Variants in RAPGEFL1 observed in about 807,000 individuals in gnomAD.
RAPGEFL1 encodes rap guanine nucleotide exchange factor-like 1.
Under a neutral mutation model 64.4 loss-of-function variants are expected in RAPGEFL1, and 31 were observed. The ratio of observed to expected loss-of-function variants is 0.48; its 90% CI spans 0.36 to 0.65. RAPGEFL1 has a LOEUF of 0.65. Ranked by LOEUF, RAPGEFL1 falls within the 30% of genes least tolerant of loss-of-function variation. The pLI is 0.00. For missense variants in RAPGEFL1, 682 were observed against 677.4 expected (o/e 1.01, Z -0.08); for synonymous variants, 331 against 274.1 (o/e 1.21, Z -2.05).
chr17:40,177,474 C>A lies in RAPGEFL1; in HGVS notation c.-388C>A, dbSNP rs1989742979. 7.9e-6 allele frequency: 5 copies of A among 633,984 alleles called. No homozygotes were observed. The highest frequency in any genetic ancestry group is 3.5e-5 in the South Asian group (2 of 57,386). The allele number at this position is 633,984 out of a possible 1,614,324, so 39.3% of individuals were successfully genotyped here. On this transcript the variant is annotated 5_prime_UTR_variant, in exon 1 of 15. Transcript: ENST00000620260. ...GGCGCGGTCTCGGTTCTGCCACCTT[C>A]CCCCTCTTCACGGCCAGGAGCGCAG...
chr17:40,188,668 G>A (rs1598443442), intron 4 of RAPGEFL1, 198 bp from the exon 5 acceptor site: 4 of 586,486 alleles, frequency 6.8e-6, no homozygotes, highest in Non-Finnish European at 1.2e-5. Flanking sequence ...TCATGGAAGA[G>A]GTGGCATTTG....
At chr17:40,177,133 G>A (rs975367933), upstream of RAPGEFL1, 4 of 702,466 alleles carry the variant, frequency 5.7e-6, no homozygotes, top group Non-Finnish European at 7.8e-6. Context: ...GTGAGTATGA[G>A]AAAGGTGCAC....
rs1049385125 is a variant in RAPGEFL1, at chr17:40,195,111, G to A, written c.*1323G>A. ...AAAGCAGCTGCTGCTCCTGCTATGA[G>A]GGTGTATATATTTTTTACCCAAAGC... On this transcript the variant is annotated 3_prime_UTR_variant, in exon 15 of 15. Transcript: ENST00000620260. The A allele has an allele frequency of 6.6e-6, 1 of 152,452 alleles. No individual in the cohort carries two copies. The highest frequency in any genetic ancestry group is 1.5e-5 in the Non-Finnish European group (1 of 68,048). 9.4% of individuals were successfully genotyped at this position (152,452 alleles called of 1,614,324 possible).
intron 1 of RAPGEFL1, among the ~76,000 whole-genome samples, chr17:40,179,072 T>G (rs1434452404): frequency 1.3e-5 from 2 of 151,470 alleles, no homozygotes; most frequent in Non-Finnish European, 3.0e-5. Flanking sequence ...CCGGCTTTTT[T>G]TTTTTTTTCT....
At chr17:40,188,156 C>T (rs1310105909) in intron 4 of RAPGEFL1, among the ~76,000 whole-genome samples, 1 of 151,988 alleles carries the variant, frequency 6.6e-6, no homozygotes, top group Non-Finnish European at 1.5e-5. Flanking sequence ...CTCAAGTGAT[C>T]TGCCCACCTC....
chr17:40,177,603 T>C lies in RAPGEFL1; in HGVS notation c.-259T>C. ...CGCACCGGCCCCGCAGCCTGCCCAC[T>C]CTTCGGGCCGCGTGCCGGCTGCAGC... On this transcript the variant is annotated 5_prime_UTR_variant, in exon 1 of 15. Transcript: ENST00000620260. 5.2e-6 allele frequency: 2 copies of C among 386,296 alleles called. No individual in the cohort carries two copies. Among genetic ancestry groups the C allele is most frequent in the Non-Finnish European group, 9.0e-6 (2 of 221,502 alleles). The allele number at this position is 386,296 out of a possible 1,614,324, so 23.9% of individuals were successfully genotyped here.
Position 40,194,232 on chromosome 17 carries a change from C to T in RAPGEFL1, c.*444C>T, listed in dbSNP as rs1028183955. 4.8e-5 allele frequency: 6 copies of T among 125,004 alleles called. No homozygotes were observed. Among genetic ancestry groups the T allele is most frequent in the East Asian group, 2.3e-4 (1 of 4,358 alleles). The allele number at this position is 125,004 out of a possible 1,614,324, so 7.7% of individuals were successfully genotyped here. A position where few individuals can be genotyped will look rare whatever the true frequency, so the allele number is the denominator to read the frequency against. Reference sequence around the variant, plus strand: ...GGGACCCCCAGGAATATTATGTTGCCGTGTGTGTGTGTGTGTGTGTGTGTG... The same window carrying T: ...GGGACCCCCAGGAATATTATGTTGCTGTGTGTGTGTGTGTGTGTGTGTGTG... On this transcript the variant is annotated 3_prime_UTR_variant, in exon 15 of 15. Coordinates refer to ENST00000620260, the MANE Select transcript of RAPGEFL1 (RefSeq NM_016339.6).
intron 5 of RAPGEFL1, 22 bp downstream of exon 5, chr17:40,189,000 G>A (rs746896452): frequency 1.2e-6 from 2 of 1,605,252 alleles, no homozygotes; most frequent in East Asian, 2.2e-5. Flanking sequence ...CATTAGGAGG[G>A]GCAGGGTGTC....
At chr17:40,180,336 C>A (rs1374468614) in intron 1 of RAPGEFL1, among the ~76,000 whole-genome samples, 1 of 152,180 alleles carries the variant, frequency 6.6e-6, no homozygotes, top group African/African-American at 2.4e-5. Context: ...TGAAATGTCA[C>A]CCATGTTATC....
chr17:40,182,029 G>A (rs1440231309), intron 2 of RAPGEFL1, among the ~76,000 whole-genome samples: 2 of 151,760 alleles, frequency 1.3e-5, no homozygotes. Flanking sequence ...GTTGCAGTGA[G>A]CCGAGATCGC....
chr17:40,191,360 G>A lies in RAPGEFL1; in HGVS notation c.1380G>A (p.Arg460=). ...TGTTCCACGGGGAGCGCGGCCGCCG[G>A]GAGACGGCCAACTTGGAGCTGCTGC... ...DYVFHGERGR[R]ETANLELLLQ... is the part of the protein sequence containing the mutation. Residue 460 remains arginine (R), a synonymous_variant, in exon 9 of 15, where the codon CGG becomes CGA. Transcript: ENST00000620260. The surrounding 1 kb of genome is among the most constrained non-coding windows in gnomAD (Gnocchi z 5.1). The A allele has an allele frequency of 6.3e-7, 1 of 1,594,424 alleles. No individual in the cohort carries two copies. The highest frequency in any genetic ancestry group is 1.3e-5 in the African/African-American group (1 of 74,544).
chr17:40,187,608 A>G (rs1394347417), intron 4 of RAPGEFL1, among the ~76,000 whole-genome samples: 4 of 146,214 alleles, frequency 2.7e-5, no homozygotes, highest in Non-Finnish European at 6.0e-5. Flanking sequence ...CCCTCCTCCC[A>G]CCATGTTTTC....
Position 40,178,145 on chromosome 17 carries a change from C to A in RAPGEFL1, c.284C>A (p.Pro95Gln), listed in dbSNP as rs1026655386. ...GAGCCGGCGGGGGTCGCGGAGGAGC[C>A]GGGCAGCGGGGGGCCCTGCTGGCTG... The part of the protein sequence containing the change: ...GGEPAGVAEE[P>Q]GSGGPCWLQL... The change falls in exon 1 of 15, where the codon CCG becomes CAG. Residue 95 changes from proline (P) to glutamine (Q), a missense_variant. Physicochemically the swap from Pro to Gln is moderately conservative, Grantham distance 76 (BLOSUM62 -1). Transcript: ENST00000620260. 3.6e-6 allele frequency: 2 copies of A among 553,738 alleles called. No homozygotes were observed. Among genetic ancestry groups the A allele is most frequent in the Non-Finnish European group, 6.4e-6 (2 of 312,940 alleles). The allele number at this position is 553,738 out of a possible 1,614,324, so 34.3% of individuals were successfully genotyped here.
At position 40,193,827 on chromosome 17, in the gene RAPGEFL1, A is replaced by G. The variant is rs931247975; in HGVS notation, c.*39A>G. On this transcript the variant is annotated 3_prime_UTR_variant, in exon 15 of 15. Transcript: ENST00000620260. ...AGTCAGACCCGCCAGATCCTTGGGC[A>G]CCTGGCACTCAAGCACTTTGCACGA... is the stretch of plus-strand genomic sequence containing the variant. The G allele has an allele frequency of 3.1e-6, 5 of 1,613,032 alleles. No individual in the cohort carries two copies. The highest frequency in any genetic ancestry group is 4.2e-6 in the Non-Finnish European group (5 of 1,179,470).
Position 40,191,506 on chromosome 17 carries a change from C to G in RAPGEFL1, c.1514+12C>G, listed in dbSNP as rs554909355. The G allele has an allele frequency of 1.2e-5, 19 of 1,591,676 alleles. No individual in the cohort carries two copies. The East Asian group carries it at 3.4e-4, about 29-fold the overall frequency. ...AAGATCGCGGCCCTGTGAGTGCGGC[C>G]GTCGGCGGGATGGGGGGCCGGAGGC... On this transcript the variant is annotated intron_variant, in intron 9 of 14. Transcript: ENST00000620260. This position sits in a 1 kb window ranked among gnomAD's most constrained non-coding sequence, Gnocchi z 5.1.
rs1990140840 is a variant in RAPGEFL1, at chr17:40,188,081, A to AT, written c.834-780dup. Reference sequence around the variant, plus strand: ...AGGTGCACGCCACTACGCCTGGCTAATTTTTGTGTTTTTAGTAGAGACGGG... The same window carrying AT: ...AGGTGCACGCCACTACGCCTGGCTAATTTTTTGTGTTTTTAGTAGAGACGGG... On this transcript the variant is annotated intron_variant, in intron 4 of 14. Transcript: ENST00000620260. Among the ~76,000 whole-genome samples, 6 of 147,210 alleles carry AT rather than the reference A, an allele frequency of 4.1e-5. No individual in the cohort carries two copies. The South Asian group carries it at 1.3e-3, about 32-fold the overall frequency.
Position 40,177,913 on chromosome 17 carries a change from C to G in RAPGEFL1, c.52C>G (p.Arg18Gly). The G allele has an allele frequency of 2.4e-6, 1 of 421,378 alleles. No homozygotes were observed. The highest frequency in any genetic ancestry group is 4.2e-6 in the Non-Finnish European group (1 of 237,536). 26.1% of individuals were successfully genotyped at this position (421,378 alleles called of 1,614,324 possible). ...GAAGCAGACGTCGCAGCTGGCGGGC[C>G]GAACGGTGGCGGGAGGTCCCGGCGG... ...LKKQTSQLAG[R>G]TVAGGPGGGL... The change falls in exon 1 of 15, where the codon CGA becomes GGA. Residue 18 changes from arginine (R) to glycine (G), a missense_variant. This residue lies in a region of RAPGEFL1 where 271 missense variants were observed against 158.0 expected (regional missense o/e 1.72). Transcript: ENST00000620260.
intron 5 of RAPGEFL1, 57 bp from the exon 6 acceptor site, chr17:40,189,149 CTG>C (rs1227863742): frequency 5.1e-6 from 8 of 1,566,122 alleles, no homozygotes; most frequent in Non-Finnish European, 7.0e-6. Context: ...CTGGAGGAGA[CTG>C]TGCCAGCTGC....
At chr17:40,190,789 G>T in intron 8 of RAPGEFL1, 27 bp downstream of exon 8, 1 of 1,612,532 alleles carries the variant, frequency 6.2e-7, no homozygotes, top group Non-Finnish European at 8.5e-7. Flanking sequence ...GTGCTATGCT[G>T]GGGGGCTGGA....
Sources: gnomAD v4.1 joint callset for allele counts (sites outside exome capture counted in the v4.1 genomes callset) on GRCh38, gnomAD v4.1.1 for gene constraint, gnomAD v4.1.1 regional missense constraint, Gnocchi (gnomAD v3.1) non-coding constraint, MANE v1.5 for transcripts, NCBI Gene and HGNC (gene_info 2026-07-23, HGNC 2026-07-21) for gene names.